Variants in ZNF491 observed in about 807,000 individuals in gnomAD.
The protein encoded by ZNF491 is zinc finger protein 491.
ZNF491 carries 22 observed loss-of-function variants against 34.7 expected under a neutral mutation model. The observed-to-expected ratio is 0.63, with a 90% confidence interval of 0.45 to 0.90. ZNF491 has a LOEUF of 0.90. Ranked by LOEUF, ZNF491 falls within the 40% of genes least tolerant of loss-of-function variation. The pLI is 0.00. For synonymous variants in ZNF491, 148 were observed against 174.3 expected (o/e 0.85, Z 1.19); for missense variants, 559 against 531.7 (o/e 1.05, Z -0.51).
rs767622812 is a variant in ZNF491 at position 11,805,879 on chromosome 19, A to G, written c.-7-68A>G. The G allele has an allele frequency of 6.9e-4, 888 of 1,286,688 alleles. 1 individual carries two copies. Among genetic ancestry groups the G allele is most frequent in the Non-Finnish European group, 8.6e-4 (805 of 934,562 alleles). 79.7% of individuals were successfully genotyped at this position (1,286,688 alleles called of 1,614,324 possible). On this transcript the variant is annotated intron_variant, in intron 2 of 2. Transcript: ENST00000323169. ...CAAAAACATTAAAAATGCAAGTGTA[A>G]TACTTATTAACAAATATTAAATCGC...
At chr19:11,801,443 T>A (rs1257825931) in intron 1 of ZNF491, among the ~76,000 whole-genome samples, 3 of 151,866 alleles carry the variant, frequency 2.0e-5, no homozygotes, top group African/African-American at 7.3e-5. Flanking sequence ...GATCATGAGG[T>A]CAGGAGTTCA....
At position 11,806,405 on chromosome 19, in the gene ZNF491, G is replaced by A. The variant is rs768884740; in HGVS notation, c.452G>A (p.Arg151Gln). ...DCLSLYLTHE[R>Q]THTGEKRYEC... ...CTCAGTTTATACCTTACCCATGAAC[G>A]AACTCACACTGGAGAGAAACGATAT... Residue 151 changes from arginine to glutamine, a missense_variant, in exon 3 of 3, where the codon CGA becomes CAA. By Grantham distance (43) the Arg-to-Gln change is conservative (BLOSUM62 1). Coordinates refer to ENST00000323169, the MANE Select transcript of ZNF491 (RefSeq NM_152356.4). 85 of 1,613,216 alleles carry A rather than the reference G, an allele frequency of 5.3e-5. No individual in the cohort carries two copies. The highest frequency in any genetic ancestry group is 6.7e-5 in the East Asian group (3 of 44,892).
chr19:11,804,206 C>CAAAAAAAA (rs71166629), intron 1 of ZNF491, among the ~76,000 whole-genome samples: 2 of 69,448 alleles, frequency 2.9e-5, no homozygotes, highest in African/African-American at 1.3e-4. Flanking sequence ...CCATCTCAGA[C>CAAAAAAAA]AAAAAAAAAA....
rs1975528304 is a variant in ZNF491 at position 11,798,824 on chromosome 19, A to G, written c.-134+97A>G. ...CGGGACCCAGGCCTCCGCTCGGGCG[A>G]CCCCGGCGATTGGGACCCGCGTCCC... On this transcript the variant is annotated intron_variant, in intron 1 of 2. Transcript: ENST00000323169. The surrounding 1 kb of genome is among the most constrained non-coding windows in gnomAD (Gnocchi z 4.0). The G allele has an allele frequency of 6.6e-6, 1 of 152,036 alleles. No individual in the cohort carries two copies. Among genetic ancestry groups the G allele is most frequent in the Non-Finnish European group, 1.5e-5 (1 of 68,014 alleles). The allele number at this position is 152,036 out of a possible 1,614,324, so 9.4% of individuals were successfully genotyped here.
chr19:11,806,429 A>G lies in ZNF491; in HGVS notation c.476A>G (p.Tyr159Cys). The G allele has an allele frequency of 3.7e-6, 6 of 1,613,486 alleles. No individual in the cohort carries two copies. Among genetic ancestry groups the G allele is most frequent in the Non-Finnish European group, 4.2e-6 (5 of 1,179,706 alleles). ...HERTHTGEKR[Y>C]ECKQCGKAFS... is the part of the protein sequence containing the mutation. ...CGAACTCACACTGGAGAGAAACGAT[A>G]TGAATGTAAACAATGTGGTAAAGCC... Residue 159 changes from tyrosine (Y) to cysteine (C), a missense_variant, in exon 3 of 3, where the codon TAT becomes TGT. Transcript: ENST00000323169.
chr19:11,806,884 T>A lies in ZNF491; in HGVS notation c.931T>A (p.Ser311Thr), dbSNP rs769463084. 6.2e-7 allele frequency: 1 copy of A among 1,610,530 alleles called. No individual in the cohort carries two copies. The highest frequency in any genetic ancestry group is 1.1e-5 in the South Asian group (1 of 90,556). Reference protein sequence around the residue: ...CKQCGKAFTCSTSFQYHERTH... With the variant: ...CKQCGKAFTCTTSFQYHERTH... The stretch of plus-strand genomic sequence containing the variant: ...GCAATGTGGGAAAGCCTTCACTTGT[T>A]CCACTTCGTTTCAATATCATGAAAG... Residue 311 changes from serine (S) to threonine (T), a missense_variant, in exon 3 of 3, where the codon TCC becomes ACC. By Grantham distance (58) the Ser-to-Thr change is moderately conservative (BLOSUM62 1). Coordinates refer to ENST00000323169, the MANE Select transcript of ZNF491 (RefSeq NM_152356.4).
At position 11,807,180 on chromosome 19, in the gene ZNF491, A is replaced by G; in HGVS notation, c.1227A>G (p.Lys409=). 2 of 1,601,390 alleles carry G rather than the reference A, an allele frequency of 1.2e-6. No homozygotes were observed. The highest frequency in any genetic ancestry group is 1.1e-5 in the South Asian group (1 of 88,592). The change falls in exon 3 of 3, where the codon AAA becomes AAG. Residue 409 remains lysine, a synonymous_variant. Coordinates refer to ENST00000323169, the MANE Select transcript of ZNF491 (RefSeq NM_152356.4). The part of the protein sequence containing the change: ...RIHERIHTGE[K]PYQCKECGKA... The stretch of plus-strand genomic sequence containing the variant: ...ATGAAAGAATTCACACTGGAGAGAA[A>G]CCTTACCAATGTAAGGAATGTGGGA...
chr19:11,804,682 A>G lies in ZNF491; in HGVS notation c.-8+15A>G. The G allele has an allele frequency of 8.3e-7, 1 of 1,205,764 alleles. No individual in the cohort carries two copies. Among genetic ancestry groups the G allele is most frequent in the South Asian group, 2.0e-5 (1 of 50,372 alleles). The allele number at this position is 1,205,764 out of a possible 1,614,324, so 74.7% of individuals were successfully genotyped here. A position where few individuals can be genotyped will look rare whatever the true frequency, so the allele number is the denominator to read the frequency against. On this transcript the variant is annotated intron_variant, in intron 2 of 2. Coordinates refer to ENST00000323169, the MANE Select transcript of ZNF491 (RefSeq NM_152356.4). ...CATCTGTATAGGTAGGGGTGACAAT[A>G]TTACCTCCCTCAGTGAATTGTAGAA...
intron 2 of ZNF491, 76 bp from the exon 3 acceptor site, chr19:11,805,871 C>G (rs151134625): frequency 8.2e-7 from 1 of 1,223,642 alleles, no homozygotes; most frequent in African/African-American, 1.5e-5. Flanking sequence ...ATTAAAAATG[C>G]AAGTGTAATA....
At chr19:11,803,747 C>T (rs936608490) in intron 1 of ZNF491, among the ~76,000 whole-genome samples, 1 of 152,186 alleles carries the variant, frequency 6.6e-6, no homozygotes, top group African/African-American at 2.4e-5. Flanking sequence ...TGACAGTAAC[C>T]TTGATCACTT....
In ZNF491 at chr19:11,800,380, C is replaced by T. The variant is rs78736904; in HGVS notation, c.-134+1653C>T. Among the ~76,000 whole-genome samples the T allele has an allele frequency of 3.9e-3, 590 of 152,260 alleles. 21 individuals carry two copies. In the East Asian group the frequency reaches 0.077, roughly 20 times the overall value. ...ACATTCAAAAACACCAACTTCCCCT[C>T]GCCAATTGACATCCTTATCAATTAT... On this transcript the variant is annotated intron_variant, in intron 1 of 2. Transcript: ENST00000323169.
At position 11,807,484 on chromosome 19, in the gene ZNF491, T is replaced by G; in HGVS notation, c.*217T>G. 1 of 428,120 alleles carries G rather than the reference T, an allele frequency of 2.3e-6. No individual in the cohort carries two copies. Among genetic ancestry groups the G allele is most frequent in the Non-Finnish European group, 4.3e-6 (1 of 235,162 alleles). The allele number at this position is 428,120 out of a possible 1,614,324, so 26.5% of individuals were successfully genotyped here. ...TTCGAAGGCAGACATGAGGAAGGCC[T>G]TAGTCACATTTTAGAGCCAGCCAAA... On this transcript the variant is annotated 3_prime_UTR_variant, in exon 3 of 3. Coordinates refer to ENST00000323169, the MANE Select transcript of ZNF491 (RefSeq NM_152356.4).
chr19:11,805,409 C>CAAA (rs971587205), intron 2 of ZNF491, among the ~76,000 whole-genome samples: 20 of 48,774 alleles, frequency 4.1e-4, no homozygotes, highest in Admixed American at 6.5e-4. Flanking sequence ...AACTCCGTCT[C>CAAA]AAAAAAAAAA....
intron 1 of ZNF491, among the ~76,000 whole-genome samples, chr19:11,799,928 TA>T (rs34687839): frequency 2.6e-3 from 370 of 144,940 alleles, no homozygotes; most frequent in Middle Eastern, 0.011. Context: ...GAGACTCTGT[TA>T]AAAAAAAAAA....
chr19:11,804,877 C>A (rs936139285), intron 2 of ZNF491, among the ~76,000 whole-genome samples: 13 of 151,894 alleles, frequency 8.6e-5, no homozygotes, highest in Admixed American at 2.6e-4. Context: ...ATGGAAAGAC[C>A]AGAACATTGA....
At chr19:11,801,576 A>G (rs1027869401) in intron 1 of ZNF491, among the ~76,000 whole-genome samples, 1 of 152,128 alleles carries the variant, frequency 6.6e-6, no homozygotes, top group African/African-American at 2.4e-5. Context: ...AATTGCTTGA[A>G]CCTGGGAGGC....
In ZNF491 at chr19:11,806,518, T is replaced by C; in HGVS notation, c.565T>C (p.Cys189Arg). Residue 189 changes from cysteine (C) to arginine (R), a missense_variant, in exon 3 of 3, where the codon TGT (cysteine) becomes CGT (arginine). Cys to Arg is a radical substitution (Grantham distance 180). Transcript: ENST00000323169. ...RTHTGEKPYE[C>R]KECGKSFNFS... ...TCACACTGGGGAGAAGCCATATGAA[T>C]GTAAGGAGTGTGGGAAATCATTCAA... 4.3e-6 allele frequency: 7 copies of C among 1,614,110 alleles called. No homozygotes were observed. Among genetic ancestry groups the C allele is most frequent in the Non-Finnish European group, 5.9e-6 (7 of 1,180,018 alleles).
intron 1 of ZNF491, among the ~76,000 whole-genome samples, chr19:11,800,804 C>A (rs1304844538): frequency 6.6e-6 from 1 of 152,088 alleles, no homozygotes; most frequent in East Asian, 1.9e-4. Flanking sequence ...GGGAGGATTG[C>A]TTGAGCCTAG....
intron 2 of ZNF491, among the ~76,000 whole-genome samples, chr19:11,805,463 A>G (rs929421814): frequency 1.3e-5 from 2 of 150,260 alleles, no homozygotes; most frequent in African/African-American, 4.9e-5. Context: ...TTTTTTGATG[A>G]TAGATATAGA....
Sources: allele counts gnomAD v4.1 joint callset (sites outside exome capture counted in the v4.1 genomes callset), GRCh38; gene constraint gnomAD v4.1.1; non-coding constraint Gnocchi (gnomAD v3.1); transcripts MANE v1.5; gene names NCBI Gene and HGNC (gene_info 2026-07-23, HGNC 2026-07-21).